Variants in ERBIN observed in about 807,000 individuals in gnomAD.
ERBIN encodes densin-180-like protein.
In ERBIN, 60 loss-of-function variants were observed where a neutral mutation model predicts 158.4. The ratio of observed to expected loss-of-function variants is 0.38; its 90% CI spans 0.31 to 0.47. The LOEUF (loss-of-function observed/expected upper bound fraction) is 0.47. ERBIN is among the 20% of genes least tolerant of loss of function. The probability of loss-of-function intolerance (pLI) is 0.99; values close to 1 mark genes in which losing one functional copy is unlikely to be tolerated. For synonymous variants in ERBIN, 594 were observed against 557.2 expected (o/e 1.07, Z -0.93); for missense variants, 1,610 against 1,648.0 (o/e 0.98, Z 0.40).
intron 21 of ERBIN, among the ~76,000 whole-genome samples, chr5:66,061,571 T>G (rs1369565122): frequency 6.6e-6 from 1 of 152,232 alleles, no homozygotes; most frequent in Non-Finnish European, 1.5e-5. Flanking sequence ...TATGTGTGAA[T>G]TTGATCCTGT....
At chr5:65,977,805 C>A (rs1338972792) in intron 1 of ERBIN, among the ~76,000 whole-genome samples, 1 of 152,196 alleles carries the variant, frequency 6.6e-6, no homozygotes, top group Non-Finnish European at 1.5e-5. Context: ...CCAAGGCAGG[C>A]GGCTGGGAGG....
intron 1 of ERBIN, among the ~76,000 whole-genome samples, chr5:65,974,392 G>A (rs537220214): frequency 3.9e-5 from 6 of 152,358 alleles, no homozygotes; most frequent in African/African-American, 1.4e-4. Flanking sequence ...TAGTGAGGCA[G>A]AGGTAATGCC....
intron 7 of ERBIN, among the ~76,000 whole-genome samples, chr5:66,020,922 A>G (rs1013664056): frequency 3.9e-5 from 6 of 151,984 alleles, no homozygotes; most frequent in Admixed American, 1.3e-4. Flanking sequence ...TCTTACAAAT[A>G]TATGAGCAGT....
At chr5:65,926,830 T>G (rs1289311615) in intron 1 of ERBIN, 24 bp downstream of exon 1, 1 of 152,190 alleles carries the variant, frequency 6.6e-6, no homozygotes. Flanking sequence ...AAAGTGTCTC[T>G]GAGTCACAAA....
chr5:65,989,528 C>T (rs984157914), intron 2 of ERBIN, among the ~76,000 whole-genome samples: 3 of 152,122 alleles, frequency 2.0e-5, no homozygotes, highest in Non-Finnish European at 4.4e-5. Context: ...ATTCGTTCTC[C>T]TTTCAGAGAA....
intron 1 of ERBIN, among the ~76,000 whole-genome samples, chr5:65,928,461 G>A (rs1742953583): frequency 6.6e-6 from 1 of 152,036 alleles, no homozygotes; most frequent in East Asian, 1.9e-4. Flanking sequence ...GCTTATACTT[G>A]GCTTCAAAAG....
chr5:66,005,567 G>T (rs899797350), intron 4 of ERBIN, among the ~76,000 whole-genome samples: 1 of 152,108 alleles, frequency 6.6e-6, no homozygotes, highest in African/African-American at 2.4e-5. Context: ...ATCAGGAGAA[G>T]GAAATAAAGG....
chr5:65,982,438 A>C (rs1382418898), intron 1 of ERBIN, among the ~76,000 whole-genome samples: 1 of 152,164 alleles, frequency 6.6e-6, no homozygotes, highest in East Asian at 1.9e-4. Flanking sequence ...AGGAATGTGA[A>C]ATGTTTATGG....
rs1031336209 is a variant in ERBIN at position 66,074,951 on chromosome 5, C to T, written c.3757-73C>T. The T allele has an allele frequency of 2.9e-6, 4 of 1,396,010 alleles. No homozygotes were observed. The African/African-American group carries it at 5.7e-5, about 20-fold the overall frequency. The allele number at this position is 1,396,010 out of a possible 1,614,324, so 86.5% of individuals were successfully genotyped here. A position where few individuals can be genotyped will look rare whatever the true frequency, so the allele number is the denominator to read the frequency against. On this transcript the variant is annotated intron_variant, in intron 22 of 25. Coordinates refer to ENST00000284037, the MANE Select transcript of ERBIN (RefSeq NM_001253697.2). Reference sequence around the variant, plus strand: ...AAAACTCTAGTGCTTTTGTAATGCTCCAAGAAGAAATCCAAATATTTGAAA... The same window carrying T: ...AAAACTCTAGTGCTTTTGTAATGCTTCAAGAAGAAATCCAAATATTTGAAA...
At chr5:66,034,853 A>G (rs1255563799) in intron 14 of ERBIN, among the ~76,000 whole-genome samples, 4 of 152,226 alleles carry the variant, frequency 2.6e-5, no homozygotes, top group African/African-American at 9.6e-5. Flanking sequence ...AGAATAATGC[A>G]GCAAAGAGGT....
At chr5:66,031,000 C>T (rs1462582334) in intron 14 of ERBIN, among the ~76,000 whole-genome samples, 1 of 152,182 alleles carries the variant, frequency 6.6e-6, no homozygotes, top group African/African-American at 2.4e-5. Flanking sequence ...TTCTCACTCT[C>T]CACTTGGTTT....
intron 4 of ERBIN, among the ~76,000 whole-genome samples, chr5:66,005,471 G>C (rs1378323475): frequency 1.3e-5 from 2 of 152,120 alleles, no homozygotes; most frequent in Non-Finnish European, 2.9e-5. Context: ...TCACCATATG[G>C]ATATTTAAAG....
rs1762394306 is a variant in ERBIN at position 66,081,725 on chromosome 5, T to G, written c.*3195T>G. 6.6e-6 allele frequency: 1 copy of G among 152,144 alleles called. No individual in the cohort carries two copies. The highest frequency in any genetic ancestry group is 1.5e-5 in the Non-Finnish European group (1 of 67,992). 9.4% of individuals were successfully genotyped at this position (152,144 alleles called of 1,614,324 possible). On this transcript the variant is annotated 3_prime_UTR_variant, in exon 26 of 26. Coordinates refer to ENST00000284037, the MANE Select transcript of ERBIN (RefSeq NM_001253697.2). Reference sequence around the variant, plus strand: ...ATTAAGATGGGAAATGTTTCTCTGATGGAGATTGACGTGTGAAATCTATTT... The same window carrying G: ...ATTAAGATGGGAAATGTTTCTCTGAGGGAGATTGACGTGTGAAATCTATTT...
Position 66,076,858 on chromosome 5 carries a change from T to A in ERBIN, c.4057-17T>A. 1 of 1,582,876 alleles carries A rather than the reference T, an allele frequency of 6.3e-7. No homozygotes were observed. The highest frequency in any genetic ancestry group is 8.6e-7 in the Non-Finnish European group (1 of 1,158,012). Reference sequence around the variant, plus strand: ...TACATACTGTTTTTAGTTAAATAATTTTTTTTGTTGTTAAAGGGTATATTT... The same window carrying A: ...TACATACTGTTTTTAGTTAAATAATATTTTTTGTTGTTAAAGGGTATATTT... On this transcript the variant is annotated splice_polypyrimidine_tract_variant and intron_variant, in intron 24 of 25. Transcript: ENST00000284037.
chr5:65,997,816 G>C (rs1039302057), intron 4 of ERBIN, among the ~76,000 whole-genome samples: 2 of 152,080 alleles, frequency 1.3e-5, no homozygotes, highest in Non-Finnish European at 2.9e-5. Context: ...TCTCCTATCA[G>C]TTTTCCTAAA....
chr5:66,026,938 C>T (rs980897769), intron 13 of ERBIN, among the ~76,000 whole-genome samples: 8 of 151,868 alleles, frequency 5.3e-5, no homozygotes, highest in African/African-American at 1.9e-4. Flanking sequence ...CTAATATTTT[C>T]CTAGGCAGAG....
chr5:66,036,608 G>A lies in ERBIN; in HGVS notation c.1207-1775G>A, dbSNP rs1045418400. On this transcript the variant is annotated intron_variant, in intron 14 of 25. Transcript: ENST00000284037. ...TGTAATTTCACTTGGAATTACAGTAGCAGTTGCCTATTTTGTTACCTGTAT... is the reference window on the plus strand; with the variant it reads ...TGTAATTTCACTTGGAATTACAGTAACAGTTGCCTATTTTGTTACCTGTAT... Among the ~76,000 whole-genome samples the A allele has an allele frequency of 1.1e-4, 17 of 152,240 alleles. No homozygotes were observed. In the East Asian group the frequency reaches 2.5e-3, roughly 23 times the overall value.
intron 1 of ERBIN, among the ~76,000 whole-genome samples, chr5:65,981,986 C>T (rs77313129): frequency 0.078 from 11,805 of 152,172 alleles, 704 homozygotes; most frequent in East Asian, 0.26. Flanking sequence ...ACATTCTGGC[C>T]ATGTTTTTCA....
intron 14 of ERBIN, among the ~76,000 whole-genome samples, chr5:66,030,308 C>T (rs911989268): frequency 1.3e-5 from 2 of 152,146 alleles, no homozygotes; most frequent in Admixed American, 6.5e-5. Flanking sequence ...TCCCAAAGTG[C>T]TGGGATTACA....
Sources: allele counts gnomAD v4.1 joint callset (sites outside exome capture counted in the v4.1 genomes callset), GRCh38; gene constraint gnomAD v4.1.1; transcripts MANE v1.5; gene names NCBI Gene and HGNC (gene_info 2026-07-23, HGNC 2026-07-21).